The following FTL variants were observed in gnomAD, a reference collection of about 807,000 sequenced individuals.
FTL encodes the protein ferritin light chain, also known as epididymis secretory sperm binding protein.
Under a neutral mutation model 16.6 loss-of-function variants are expected in FTL, and 17 were observed. That is an observed-to-expected ratio of 1.02 (90% CI 0.70 to 1.53). The LOEUF is 1.53. FTL is among the 40% of genes most tolerant of loss of function. The probability of loss-of-function intolerance (pLI) is 0.00; values close to 1 mark genes in which losing one functional copy is unlikely to be tolerated. For synonymous variants in FTL, 73 were observed against 89.9 expected (o/e 0.81, Z 1.06); for missense variants, 186 against 226.1 (o/e 0.82, Z 1.14).
Position 48,965,379 on chromosome 19 carries a change from C to T in FTL, c.-129C>T, listed in dbSNP as rs1267572852. On this transcript the variant is annotated 5_prime_UTR_variant, in exon 1 of 4. Coordinates refer to ENST00000331825, the MANE Select transcript of FTL (RefSeq NM_000146.4). ...TGGACGGAACAGATCCGGGGACTCT[C>T]TTCCAGCCTCCGACCGCCCTCCGAT... The T allele has an allele frequency of 4.1e-6, 3 of 725,792 alleles. No homozygotes were observed. The African/African-American group carries it at 5.2e-5, about 13-fold the overall frequency. The allele number at this position is 725,792 out of a possible 1,614,324, so 45.0% of individuals were successfully genotyped here. A position where few individuals can be genotyped will look rare whatever the true frequency, so the allele number is the denominator to read the frequency against.
chr19:48,966,120 T>C, intron 2 of FTL, 161 bp from the exon 3 acceptor site: 1 of 1,246,232 alleles, frequency 8.0e-7, no homozygotes, highest in Non-Finnish European at 1.2e-6. Context: ...CTTAGGGACG[T>C]ATAGCTGTAA....
chr19:48,966,482 G>C (rs983780357), intron 3 of FTL, 76 bp downstream of exon 3: 26 of 1,613,446 alleles, frequency 1.6e-5, no homozygotes, highest in Non-Finnish European at 2.1e-5. Context: ...ATTTCCTTCA[G>C]AGCCTCATTT....
At chr19:48,966,054 A>G (rs1173990443) in intron 2 of FTL, 138 bp downstream of exon 2, 4 of 1,275,922 alleles carry the variant, frequency 3.1e-6, no homozygotes, top group African/African-American at 1.5e-5. Flanking sequence ...CGCTGGAAAT[A>G]GAGGCGCACC....
At position 48,966,606 on chromosome 19, in the gene FTL, C is replaced by T. The variant is rs762943867; in HGVS notation, c.399C>T (p.His133=). ...AGCTCTGTGACTTCCTGGAGACTCA[C>T]TTCCTAGATGAGGAAGTGAAGCTTA... ...DPHLCDFLET[H]FLDEEVKLIK... is the part of the protein sequence containing the mutation. Residue 133 remains histidine (H), a synonymous_variant, in exon 4 of 4, where the codon CAC becomes CAT. Coordinates refer to ENST00000331825, the MANE Select transcript of FTL (RefSeq NM_000146.4). 6.2e-7 allele frequency: 1 copy of T among 1,614,148 alleles called. No individual in the cohort carries two copies.
At chr19:48,966,538 C>T (rs777408892) in intron 3 of FTL, 45 bp from the exon 4 acceptor site, 1 of 1,613,174 alleles carries the variant, frequency 6.2e-7, no homozygotes, top group African/African-American at 1.3e-5. Flanking sequence ...CTCTCCCCCT[C>T]TTTTCCAGGG....
At position 48,966,414 on chromosome 19, in the gene FTL, C is replaced by G; in HGVS notation, c.375+8C>G. 6.2e-7 allele frequency: 1 copy of G among 1,614,110 alleles called. No homozygotes were observed. The highest frequency in any genetic ancestry group is 1.1e-5 in the South Asian group (1 of 91,080). On this transcript the variant is annotated splice_region_variant and intron_variant, in intron 3 of 3. Coordinates refer to ENST00000331825, the MANE Select transcript of FTL (RefSeq NM_000146.4). Reference sequence around the variant, plus strand: ...GCCCGCACGGACCCCCATGTACGTACCCGCTGCATCCATGGCTACCCAACC... The same window carrying G: ...GCCCGCACGGACCCCCATGTACGTAGCCGCTGCATCCATGGCTACCCAACC...
intron 2 of FTL, 102 bp downstream of exon 2, chr19:48,966,018 A>C (rs1378960405): frequency 6.8e-7 from 1 of 1,468,998 alleles, no homozygotes; most frequent in South Asian, 1.2e-5. Context: ...TGGGAGATTG[A>C]GTTCGGTCTT....
Position 48,965,310 on chromosome 19 carries a change from C to T in FTL, c.-198C>T, listed in dbSNP as rs1227708447. ...AAGCCGCCCTAGCCACGTCCCCTCGCAGTTCGGCGGTCCCGCGGGTCTGTC... is the reference window on the plus strand; with the variant it reads ...AAGCCGCCCTAGCCACGTCCCCTCGTAGTTCGGCGGTCCCGCGGGTCTGTC... On this transcript the variant is annotated 5_prime_UTR_variant, in exon 1 of 4. Transcript: ENST00000331825. 1 of 609,274 alleles carries T rather than the reference C, an allele frequency of 1.6e-6. No individual in the cohort carries two copies. 37.7% of individuals were successfully genotyped at this position (609,274 alleles called of 1,614,324 possible).
chr19:48,965,580 C>G lies in FTL; in HGVS notation c.73C>G (p.Leu25Val), dbSNP rs201971200. 1 of 1,613,804 alleles carries G rather than the reference C, an allele frequency of 6.2e-7. No homozygotes were observed. ...CGTCAACAGCCTGGTCAATTTGTAC[C>G]TGCAGGCCTCCTACACCTACCTCTC... is the stretch of plus-strand genomic sequence containing the variant. ...AAVNSLVNLYLQASYTYLSLG... is the reference protein window; with the variant it reads ...AAVNSLVNLYVQASYTYLSLG... Residue 25 changes from leucine to valine, a missense_variant, in exon 1 of 4, where the codon CTG becomes GTG. Leu to Val is a conservative substitution (Grantham distance 32, BLOSUM62 1). Coordinates refer to ENST00000331825, the MANE Select transcript of FTL (RefSeq NM_000146.4).
chr19:48,965,928 G>A lies in FTL; in HGVS notation c.249+12G>A. ...TCCAGGACATCAAGGTAACTAGTGT[G>A]TGGGTAATGGACTACATCTCCCAGC... On this transcript the variant is annotated intron_variant, in intron 2 of 3. Transcript: ENST00000331825. The A allele has an allele frequency of 2.5e-6, 4 of 1,613,908 alleles. No homozygotes were observed. The highest frequency in any genetic ancestry group is 3.4e-6 in the Non-Finnish European group (4 of 1,179,882).
intron 1 of FTL, 76 bp from the exon 2 acceptor site, chr19:48,965,694 G>T: frequency 1.2e-6 from 2 of 1,608,132 alleles, no homozygotes; most frequent in South Asian, 2.2e-5. Context: ...TTCTTTGTGC[G>T]GTCGGGTAAA....
In FTL at chr19:48,965,795, T is replaced by A; in HGVS notation, c.128T>A (p.Val43Glu). Residue 43 changes from valine to glutamate, a missense_variant, in exon 2 of 4, where the codon GTG becomes GAG. Transcript: ENST00000331825. ...GGCTTCTATTTCGACCGCGATGATG[T>A]GGCTCTGGAAGGCGTGAGCCACTTC... ...SLGFYFDRDD[V>E]ALEGVSHFFR... 2 of 1,614,190 alleles carry A rather than the reference T, an allele frequency of 1.2e-6. No homozygotes were observed. The highest frequency in any genetic ancestry group is 1.7e-4 in the Middle Eastern group (1 of 6,060).
In FTL at chr19:48,966,708, C is replaced by T. The variant is rs759937926; in HGVS notation, c.501C>T (p.Phe167=). 73 of 1,613,360 alleles carry T rather than the reference C, an allele frequency of 4.5e-5. 1 individual carries two copies. Among genetic ancestry groups the T allele is most frequent in the South Asian group, 2.9e-4 (26 of 91,044 alleles). The change falls in exon 4 of 4, where the codon TTC becomes TTT. Residue 167 remains phenylalanine, a synonymous_variant. Transcript: ENST00000331825. ...AGGCTGGGCTGGGCGAGTATCTCTT[C>T]GAAAGGCTCACTCTCAAGCACGACT... ...GPEAGLGEYL[F]ERLTLKHD
chr19:48,966,708 C>A lies in FTL; in HGVS notation c.501C>A (p.Phe167Leu). 6.2e-7 allele frequency: 1 copy of A among 1,613,478 alleles called. No homozygotes were observed. The highest frequency in any genetic ancestry group is 1.1e-5 in the South Asian group (1 of 91,040). Reference sequence around the variant, plus strand: ...AGGCTGGGCTGGGCGAGTATCTCTTCGAAAGGCTCACTCTCAAGCACGACT... The same window carrying A: ...AGGCTGGGCTGGGCGAGTATCTCTTAGAAAGGCTCACTCTCAAGCACGACT... ...GPEAGLGEYL[F>L]ERLTLKHD Residue 167 changes from phenylalanine to leucine, a missense_variant, in exon 4 of 4, where the codon TTC (phenylalanine) becomes TTA (leucine). By Grantham distance (22) the Phe-to-Leu change is conservative. Transcript: ENST00000331825.
chr19:48,965,733 T>A (rs2038444288), intron 1 of FTL, 37 bp from the exon 2 acceptor site: 1 of 1,613,888 alleles, frequency 6.2e-7, no homozygotes, highest in African/African-American at 1.3e-5. Flanking sequence ...TGGCCTCGCC[T>A]CCCGCTAACC....
Position 48,965,839 on chromosome 19 carries a change from G to C in FTL, c.172G>C (p.Glu58Gln), listed in dbSNP as rs773435099. ...VSHFFRELAEEKREGYERLLK... is the reference protein window; with the variant it reads ...VSHFFRELAEQKREGYERLLK... ...CCACTTCTTCCGCGAATTGGCCGAG[G>C]AGAAGCGCGAGGGCTACGAGCGTCT... The change falls in exon 2 of 4, where the codon GAG becomes CAG. Residue 58 changes from glutamate to glutamine, a missense_variant. By Grantham distance (29) the Glu-to-Gln change is conservative (BLOSUM62 2). Transcript: ENST00000331825. 6.2e-7 allele frequency: 1 copy of C among 1,614,204 alleles called. No individual in the cohort carries two copies. The highest frequency in any genetic ancestry group is 8.5e-7 in the Non-Finnish European group (1 of 1,180,036).
At chr19:48,966,517 A>C in intron 3 of FTL, 66 bp from the exon 4 acceptor site, 1 of 1,612,266 alleles carries the variant, frequency 6.2e-7, no homozygotes, top group Non-Finnish European at 8.5e-7. Context: ...TTTAATCTGC[A>C]ACTGGCTGCT....
Position 48,965,790 on chromosome 19 carries a change from T to A in FTL, c.123T>A (p.Asp41Glu). Residue 41 changes from aspartate to glutamate, a missense_variant, in exon 2 of 4, where the codon GAT (aspartate) becomes GAA (glutamate). Asp to Glu is a conservative substitution (Grantham distance 45). Coordinates refer to ENST00000331825, the MANE Select transcript of FTL (RefSeq NM_000146.4). ...CGTAGGGCTTCTATTTCGACCGCGA[T>A]GATGTGGCTCTGGAAGGCGTGAGCC... ...YLSLGFYFDR[D>E]DVALEGVSHF... The A allele has an allele frequency of 6.2e-7, 1 of 1,614,178 alleles. No individual in the cohort carries two copies. Among genetic ancestry groups the A allele is most frequent in the Middle Eastern group, 1.7e-4 (1 of 6,060 alleles).
At chr19:48,966,103 G>C in intron 2 of FTL, 178 bp from the exon 3 acceptor site, 1 of 1,201,858 alleles carries the variant, frequency 8.3e-7, no homozygotes, top group Non-Finnish European at 1.2e-6. Context: ...CCACACCGCT[G>C]CGTGGTCTTA....
Sources: allele counts gnomAD v4.1 joint callset, GRCh38; gene constraint gnomAD v4.1.1; transcripts MANE v1.5; gene names NCBI Gene and HGNC (gene_info 2026-07-23, HGNC 2026-07-21).